The following ROS1 variants were observed in gnomAD, a reference collection of about 807,000 sequenced individuals.
The protein encoded by ROS1 is ROS proto-oncogene 1, receptor tyrosine kinase, also known as proto-oncogene tyrosine-protein kinase ROS.
A neutral mutation model predicts 273.5 loss-of-function variants in ROS1; 263 were observed. The ratio of observed to expected loss-of-function variants is 0.96; its 90% CI spans 0.87 to 1.06. ROS1 has a LOEUF of 1.06. Ranked by LOEUF, ROS1 falls within the 50% of genes least tolerant of loss-of-function variation. The pLI is 0.00. For synonymous variants in ROS1, 1,008 were observed against 954.1 expected (o/e 1.06, Z -1.04); for missense variants, 2,833 against 2,751.1 (o/e 1.03, Z -0.67).
At chr6:117,328,968 A>T (rs574664) in intron 33 of ROS1, among the ~76,000 whole-genome samples, 14,414 of 152,300 alleles carry the variant, frequency 0.095, 870 homozygotes, top group Middle Eastern at 0.14. Context: ...ACCTTGCTAA[A>T]GCAAATTATC....
Position 117,397,127 on chromosome 6 carries a change from T to A in ROS1, c.605-11A>T, listed in dbSNP as rs768027210. On this transcript the variant is annotated splice_polypyrimidine_tract_variant and intron_variant, in intron 7 of 43. Transcript: ENST00000368507. The stretch of plus-strand genomic sequence containing the variant: ...GTGCAGTTTCAGGAACTGGAAGAGA[T>A]AATGGTGACATAATGAGCAGAAAAA... The A allele has an allele frequency of 1.3e-6, 2 of 1,573,774 alleles. No individual in the cohort carries two copies. Among genetic ancestry groups the A allele is most frequent in the Non-Finnish European group, 1.7e-6 (2 of 1,144,694 alleles).
intron 18 of ROS1, among the ~76,000 whole-genome samples, chr6:117,376,232 G>A (rs1002153810): frequency 2.0e-5 from 3 of 152,110 alleles, no homozygotes; most frequent in Non-Finnish European, 2.9e-5. Context: ...ATGATATTAA[G>A]AGGATATTAT....
chr6:117,329,343 A>G lies in ROS1; in HGVS notation c.5334T>C (p.Tyr1778=), dbSNP rs1195358594. 4.1e-6 allele frequency: 6 copies of G among 1,468,454 alleles called. No homozygotes were observed. The highest frequency in any genetic ancestry group is 5.7e-6 in the Non-Finnish European group (6 of 1,049,598). The allele number at this position is 1,468,454 out of a possible 1,614,324, so 91.0% of individuals were successfully genotyped here. Residue 1778 remains tyrosine (Y), a synonymous_variant, in exon 33 of 44, where the codon TAT becomes TAC. Coordinates refer to ENST00000368507, the MANE Select transcript of ROS1 (RefSeq NM_001378902.1). The part of the protein sequence containing the change: ...AEDNGCRITY[Y]ILEIRKSTSN... ...AACACACATACCTTATCTCAAGGAT[A>G]TAGTATGTAATTCTACATCCATTAT...
chr6:117,316,681 T>C (rs1775942243), intron 39 of ROS1, among the ~76,000 whole-genome samples: 1 of 151,254 alleles, frequency 6.6e-6, no homozygotes, highest in Non-Finnish European at 1.5e-5. Context: ...GGAGAGGACG[T>C]ACGAAATCAA....
chr6:117,373,252 T>C (rs1780984261), intron 18 of ROS1, among the ~76,000 whole-genome samples: 1 of 152,208 alleles, frequency 6.6e-6, no homozygotes, highest in Non-Finnish European at 1.5e-5. Flanking sequence ...GCCAGGGCCG[T>C]GGGTGGAGCT....
chr6:117,374,436 A>C (rs191249196), intron 18 of ROS1, among the ~76,000 whole-genome samples: 1 of 152,350 alleles, frequency 6.6e-6, no homozygotes, highest in Non-Finnish European at 1.5e-5. Flanking sequence ...TAGAAGAATG[A>C]AACTGGATCC....
chr6:117,401,515 C>T (rs1277386242), intron 7 of ROS1, among the ~76,000 whole-genome samples: 1 of 152,138 alleles, frequency 6.6e-6, no homozygotes, highest in Non-Finnish European at 1.5e-5. Flanking sequence ...CATCTTCTGG[C>T]CGTTTTTGTT....
At chr6:117,314,456 CAAG>C (rs1775759211) in intron 39 of ROS1, among the ~76,000 whole-genome samples, 1 of 152,060 alleles carries the variant, frequency 6.6e-6, no homozygotes, top group Non-Finnish European at 1.5e-5. Context: ...AATACAGGGA[CAAG>C]AAGAAGGACT....
intron 28 of ROS1, 97 bp from the exon 29 acceptor site, chr6:117,342,641 C>CA: frequency 1.3e-6 from 1 of 788,316 alleles, no homozygotes; most frequent in Non-Finnish European, 1.9e-6. Flanking sequence ...GTTAAAGGCT[C>CA]AAAAAAATTA....
At chr6:117,386,218 T>TA (rs1187548693) in intron 15 of ROS1, among the ~76,000 whole-genome samples, 2 of 152,246 alleles carry the variant, frequency 1.3e-5, no homozygotes, top group African/African-American at 4.8e-5. Context: ...GGCTCACAGA[T>TA]ACATCAAGAG....
intron 18 of ROS1, among the ~76,000 whole-genome samples, chr6:117,376,570 A>G (rs1781349503): frequency 1.3e-5 from 2 of 152,274 alleles, no homozygotes; most frequent in South Asian, 2.1e-4. Flanking sequence ...TTAAAAATGT[A>G]TAAGATACAA....
Position 117,379,126 on chromosome 6 carries a change from G to A in ROS1, c.2515C>T (p.Leu839Phe), listed in dbSNP as rs1211997454. Residue 839 changes from leucine (L) to phenylalanine (F), a missense_variant, in exon 18 of 44, where the codon CTC becomes TTC. By Grantham distance (22) the Leu-to-Phe change is conservative (BLOSUM62 0). Coordinates refer to ENST00000368507, the MANE Select transcript of ROS1 (RefSeq NM_001378902.1). The part of the protein sequence containing the change: ...IALTLDLSDG[L>F]LYWLVQDSQC... ...CTGTCTTGAACCAACCAATACAGGA[G>A]CCCATCACTGAGGTCTAAAGTTAGA... 4 of 1,612,766 alleles carry A rather than the reference G, an allele frequency of 2.5e-6. No individual in the cohort carries two copies. The highest frequency in any genetic ancestry group is 1.7e-5 in the Admixed American group (1 of 59,992).
At chr6:117,364,525 G>C (rs774301342) in intron 21 of ROS1, among the ~76,000 whole-genome samples, 7 of 152,032 alleles carry the variant, frequency 4.6e-5, no homozygotes, top group Non-Finnish European at 8.8e-5. Context: ...CAAATGAAAT[G>C]ATGTTTCTGA....
At chr6:117,373,696 C>T (rs1231095574) in intron 18 of ROS1, among the ~76,000 whole-genome samples, 1 of 152,222 alleles carries the variant, frequency 6.6e-6, no homozygotes, top group Non-Finnish European at 1.5e-5. Flanking sequence ...GCAGAGGGAG[C>T]TGGCTTCAGC....
chr6:117,335,291 A>G (rs1288650823), intron 32 of ROS1, among the ~76,000 whole-genome samples: 1 of 152,354 alleles, frequency 6.6e-6, no homozygotes, highest in Non-Finnish European at 1.5e-5. Flanking sequence ...ACAATGAGAT[A>G]CCATCTCACG....
At chr6:117,312,574 T>G (rs1775622290) in intron 39 of ROS1, among the ~76,000 whole-genome samples, 1 of 152,132 alleles carries the variant, frequency 6.6e-6, no homozygotes, top group Non-Finnish European at 1.5e-5. Flanking sequence ...CTACTCTACC[T>G]GTGAAGACTT....
At chr6:117,392,886 G>A (rs1773178546) in intron 12 of ROS1, among the ~76,000 whole-genome samples, 2 of 152,176 alleles carry the variant, frequency 1.3e-5, no homozygotes, top group South Asian at 4.1e-4. Context: ...AGGTAGTGTT[G>A]AGGCGGAAAG....
At chr6:117,298,044 G>GA (rs34094512) in intron 43 of ROS1, among the ~76,000 whole-genome samples, 43,478 of 151,960 alleles carry the variant, frequency 0.29, 6,721 homozygotes, top group East Asian at 0.41. Context: ...CACTAAAAAG[G>GA]AATGAAATCA....
chr6:117,341,103 T>C lies in ROS1; in HGVS notation c.5061+32A>G, dbSNP rs768056424. 12 of 1,435,862 alleles carry C rather than the reference T, an allele frequency of 8.4e-6. No individual in the cohort carries two copies. The South Asian group carries it at 1.5e-4, about 18-fold the overall frequency. The allele number at this position is 1,435,862 out of a possible 1,614,324, so 88.9% of individuals were successfully genotyped here. On this transcript the variant is annotated intron_variant, in intron 31 of 43. Coordinates refer to ENST00000368507, the MANE Select transcript of ROS1 (RefSeq NM_001378902.1). ...AAAGCCCTTTCCAATTTATTCTATA[T>C]CATAAAATAAAGACTTGCATTAAAA...
Sources: allele counts gnomAD v4.1 joint callset (sites outside exome capture counted in the v4.1 genomes callset), GRCh38; gene constraint gnomAD v4.1.1; transcripts MANE v1.5; gene names NCBI Gene and HGNC (gene_info 2026-07-23, HGNC 2026-07-21).